The following GPM6A variants were observed in gnomAD, a reference collection of about 807,000 sequenced individuals.
GPM6A encodes the protein glycoprotein M6A, also known as neuronal membrane glycoprotein M6-a.
GPM6A carries 7 observed loss-of-function variants against 32.1 expected under a neutral mutation model. The ratio of observed to expected loss-of-function variants is 0.22; its 90% CI spans 0.12 to 0.41. GPM6A has a LOEUF of 0.41. GPM6A is among the 10% of genes least tolerant of loss of function. The pLI, the probability that GPM6A is intolerant of heterozygous loss-of-function variation, is 1.00. For missense variants in GPM6A, 235 were observed against 347.2 expected (o/e 0.68, Z 2.57); for synonymous variants, 130 against 123.4 (o/e 1.05, Z -0.35).
intron 1 of GPM6A, among the ~76,000 whole-genome samples, chr4:175,791,302 G>A (rs1734004779): frequency 6.6e-6 from 1 of 152,134 alleles, no homozygotes; most frequent in Non-Finnish European, 1.5e-5. Flanking sequence ...CATTACTCTT[G>A]AAGATATCAG....
chr4:175,796,374 CT>C (rs1284221579), intron 1 of GPM6A, among the ~76,000 whole-genome samples: 1 of 152,148 alleles, frequency 6.6e-6, no homozygotes, highest in African/African-American at 2.4e-5. Flanking sequence ...TTTATCATCT[CT>C]AATTTACCAA....
At chr4:175,655,626 C>T (rs569856715) in intron 3 of GPM6A, among the ~76,000 whole-genome samples, 5 of 151,812 alleles carry the variant, frequency 3.3e-5, no homozygotes, top group South Asian at 4.2e-4. Context: ...TATATGTGTG[C>T]CTTTATTAAT....
upstream of GPM6A, among the ~76,000 whole-genome samples, chr4:175,816,163 C>A (rs961246159): frequency 1.1e-4 from 16 of 152,158 alleles, no homozygotes; most frequent in African/African-American, 3.9e-4. Context: ...CGCACTGCAG[C>A]CTGGGCCACA....
At chr4:175,717,916 C>G (rs1332662269) in intron 1 of GPM6A, among the ~76,000 whole-genome samples, 1 of 152,108 alleles carries the variant, frequency 6.6e-6, no homozygotes, top group South Asian at 2.1e-4. Context: ...TTTAGTGAAG[C>G]AACATGGCAT....
intron 3 of GPM6A, among the ~76,000 whole-genome samples, chr4:175,660,437 C>T (rs373707151): frequency 6.6e-6 from 1 of 150,970 alleles, no homozygotes; most frequent in Non-Finnish European, 1.5e-5. Flanking sequence ...AAGTATGGCA[C>T]TAATGATAAA....
intron 1 of GPM6A, among the ~76,000 whole-genome samples, chr4:175,950,521 T>C (rs887989197): frequency 6.6e-6 from 1 of 152,172 alleles, no homozygotes; most frequent in African/African-American, 2.4e-5. Flanking sequence ...AGGAAAGGAA[T>C]TGCAAGATGA....
At chr4:175,673,583 A>G (rs1298470214) in intron 3 of GPM6A, 97 bp downstream of exon 3, 5 of 754,086 alleles carry the variant, frequency 6.6e-6, no homozygotes, top group Non-Finnish European at 8.0e-6. Context: ...TTACTGTGTG[A>G]AAAAAAAATA....
chr4:175,803,393 C>T (rs896834916), intron 1 of GPM6A, among the ~76,000 whole-genome samples: 1 of 151,974 alleles, frequency 6.6e-6, no homozygotes, highest in African/African-American at 2.4e-5. Context: ...TACAACAATT[C>T]GAAAAAGTTA....
chr4:175,946,802 T>G (rs1332616274), intron 1 of GPM6A, among the ~76,000 whole-genome samples: 2 of 152,290 alleles, frequency 1.3e-5, no homozygotes, highest in East Asian at 3.9e-4. Flanking sequence ...TAAAATGCCT[T>G]TATCCTACCA....
chr4:175,681,618 G>A (rs768811294), intron 2 of GPM6A, among the ~76,000 whole-genome samples: 1 of 151,852 alleles, frequency 6.6e-6, no homozygotes, highest in Non-Finnish European at 1.5e-5. Context: ...CTCCTGGCTC[G>A]GTGCTAACTT....
intron 1 of GPM6A, among the ~76,000 whole-genome samples, chr4:175,785,700 T>C (rs1733772199): frequency 6.6e-6 from 1 of 152,202 alleles, no homozygotes; most frequent in Non-Finnish European, 1.5e-5. Flanking sequence ...AGAATAATTC[T>C]ACTAAAAGAC....
chr4:175,637,346 TAAA>T (rs1228450679), intron 6 of GPM6A, among the ~76,000 whole-genome samples: 14 of 52,398 alleles, frequency 2.7e-4, no homozygotes, highest in African/African-American at 9.6e-4. Flanking sequence ...ATATATTATA[TAAA>T]AATATATAAT....
At chr4:175,955,330 A>G (rs1332175275) in intron 1 of GPM6A, among the ~76,000 whole-genome samples, 2 of 152,224 alleles carry the variant, frequency 1.3e-5, no homozygotes, top group Non-Finnish European at 2.9e-5. Context: ...CAAATATTCA[A>G]TAGCAAATAT....
At chr4:175,836,087 T>C (rs1408252951) in intron 1 of GPM6A, among the ~76,000 whole-genome samples, 2 of 152,084 alleles carry the variant, frequency 1.3e-5, no homozygotes, top group East Asian at 1.9e-4. Flanking sequence ...AGCTCCACAT[T>C]ATAAAGACAG....
intron 1 of GPM6A, among the ~76,000 whole-genome samples, chr4:175,946,464 G>A (rs551794135): frequency 2.8e-4 from 43 of 152,270 alleles, no homozygotes; most frequent in African/African-American, 7.9e-4. Context: ...ACAAAAACTA[G>A]TAGAAAATAA....
chr4:175,785,658 A>G (rs948229037), intron 1 of GPM6A, among the ~76,000 whole-genome samples: 9 of 152,182 alleles, frequency 5.9e-5, no homozygotes, highest in African/African-American at 2.2e-4. Context: ...CATACTACTC[A>G]TATGTTGTCA....
chr4:175,857,587 T>A (rs1275709922), intron 1 of GPM6A, among the ~76,000 whole-genome samples: 1 of 152,098 alleles, frequency 6.6e-6, no homozygotes, highest in Non-Finnish European at 1.5e-5. Context: ...ACCATATCAG[T>A]AATAACATTA....
At chr4:175,997,160 A>C (rs1741334536) in intron 1 of GPM6A, among the ~76,000 whole-genome samples, 1 of 152,136 alleles carries the variant, frequency 6.6e-6, no homozygotes, top group Non-Finnish European at 1.5e-5. Flanking sequence ...TCAGGCTTCC[A>C]AGGCAGGAGA....
At chr4:175,765,620 T>A (rs771785228) in intron 1 of GPM6A, among the ~76,000 whole-genome samples, 2 of 152,188 alleles carry the variant, frequency 1.3e-5, no homozygotes, top group Non-Finnish European at 2.9e-5. Flanking sequence ...AATATTAGAA[T>A]TTATTTCTTC....
Sources: gnomAD v4.1 joint callset for allele counts (sites outside exome capture counted in the v4.1 genomes callset) on GRCh38, gnomAD v4.1.1 for gene constraint, MANE v1.5 for transcripts, NCBI Gene and HGNC (gene_info 2026-07-23, HGNC 2026-07-21) for gene names.